The following FAAH2 variants were observed in gnomAD, a reference collection of about 807,000 sequenced individuals.
FAAH2 encodes the protein fatty acid amide hydrolase 2.
In FAAH2, 60 loss-of-function variants were observed where a neutral mutation model predicts 36.9. The observed-to-expected ratio is 1.63, with a 90% CI of 1.32 to 2.02. The LOEUF (loss-of-function observed/expected upper bound fraction) is 2.02, where lower values mean the gene tolerates loss of function less well. FAAH2 is among the 30% of genes most tolerant of loss of function. FAAH2 has a pLI of 0.00. For synonymous variants in FAAH2, 214 were observed against 143.8 expected (o/e 1.49, Z -3.49); for missense variants, 689 against 397.5 (o/e 1.73, Z -6.23).
chrX:57,483,724 G>A (rs1388373393), intron 10 of FAAH2, among the ~76,000 whole-genome samples: 1 of 103,236 alleles, frequency 9.7e-6, no homozygotes, highest in Non-Finnish European at 1.9e-5. Flanking sequence ...TTACTGTGTA[G>A]TATTCTGGGT....
At chrX:57,326,687 G>T (rs1344157187) in intron 3 of FAAH2, among the ~76,000 whole-genome samples, 1 of 85,278 alleles carries the variant, frequency 1.2e-5, no homozygotes, top group Admixed American at 1.4e-4. Flanking sequence ...TTTTCCATTT[G>T]CTTGGTAGAT....
the FAAH2 span, among the ~76,000 whole-genome samples, chrX:57,231,009 G>A: frequency 5.8e-5 from 6 of 104,181 alleles, no homozygotes; most frequent in Non-Finnish European, 1.2e-4. Context: ...TGAGGTCGAG[G>A]ATAATGATAT....
chrX:57,276,849 C>T, the FAAH2 span, among the ~76,000 whole-genome samples: 3 of 111,685 alleles, frequency 2.7e-5, no homozygotes, highest in African/African-American at 6.5e-5. Flanking sequence ...TTCCTGAACA[C>T]ATATACCCTC....
chrX:57,341,142 T>C, intron 4 of FAAH2, 129 bp from the exon 5 acceptor site: 5 of 565,596 alleles, frequency 8.8e-6, no homozygotes, highest in Non-Finnish European at 1.3e-5. Context: ...TCTAAATATA[T>C]GCTGTGAACA....
At chrX:57,394,679 TG>T in intron 7 of FAAH2, 4 of 928,086 alleles carry the variant, frequency 4.3e-6, no homozygotes, top group Non-Finnish European at 6.3e-6. Flanking sequence ...TTCTCCCATT[TG>T]TTTTTTTTAT....
the FAAH2 span, among the ~76,000 whole-genome samples, chrX:57,124,403 G>A: frequency 8.9e-6 from 1 of 111,767 alleles, no homozygotes; most frequent in Non-Finnish European, 1.9e-5. Flanking sequence ...TTTGGTTAGT[G>A]TAGCCTTGTA....
chrX:57,468,314 G>T (rs2057090416), intron 10 of FAAH2, among the ~76,000 whole-genome samples: 1 of 111,658 alleles, frequency 9.0e-6, no homozygotes, highest in African/African-American at 3.3e-5. Context: ...AAAGGAGCAA[G>T]TTCGAACCCA....
At chrX:57,472,037 C>T (rs886794326) in intron 10 of FAAH2, among the ~76,000 whole-genome samples, 7 of 111,942 alleles carry the variant, frequency 6.3e-5, no homozygotes, top group African/African-American at 2.3e-4. Context: ...ACTGGCTAGC[C>T]ATATGTAGAA....
chrX:57,272,611 C>T, the FAAH2 span, among the ~76,000 whole-genome samples: 1 of 111,618 alleles, frequency 9.0e-6, no homozygotes, highest in African/African-American at 3.3e-5. Flanking sequence ...TTGGTGTTCT[C>T]AAAGAAAAGA....
intron 5 of FAAH2, among the ~76,000 whole-genome samples, chrX:57,343,401 G>T (rs1311669486): frequency 9.0e-6 from 1 of 111,206 alleles, no homozygotes. Flanking sequence ...TAGGTTTCTT[G>T]GCTGCTTGTA....
chrX:57,430,525 C>T (rs957367230), intron 7 of FAAH2, among the ~76,000 whole-genome samples: 1 of 111,435 alleles, frequency 9.0e-6, no homozygotes, highest in Non-Finnish European at 1.9e-5. Flanking sequence ...ATGTTACAAG[C>T]TAGAATTTTG....
At chrX:57,136,921 C>T in the FAAH2 span, 1 of 758,486 alleles carries the variant, frequency 1.3e-6, no homozygotes, top group Non-Finnish European at 1.8e-6. Flanking sequence ...TCCCAATCCC[C>T]TGCAAAGCGG....
intron 5 of FAAH2, among the ~76,000 whole-genome samples, chrX:57,345,469 G>T (rs1214224151): frequency 9.0e-6 from 1 of 110,695 alleles, no homozygotes; most frequent in Non-Finnish European, 1.9e-5. Flanking sequence ...ATTTCTGTAG[G>T]ATCAGTTGTA....
At chrX:57,242,872 C>T in the FAAH2 span, among the ~76,000 whole-genome samples, 1 of 111,974 alleles carries the variant, frequency 8.9e-6, no homozygotes, top group African/African-American at 3.2e-5. Context: ...AGTTTCTTTT[C>T]GTAACCTAGT....
the FAAH2 span, among the ~76,000 whole-genome samples, chrX:57,191,836 G>C: frequency 5.4e-5 from 6 of 111,487 alleles, no homozygotes; most frequent in East Asian, 1.4e-3. Context: ...CTCTTCTATT[G>C]GTCTATGCAT....
rs1245067445 is a variant in FAAH2, at chrX:57,453,733, C to T, written c.1423+5015C>T. Among the ~76,000 whole-genome samples the T allele has an allele frequency of 6.2e-5, 7 of 112,030 alleles. No homozygotes were observed. The South Asian group carries it at 1.5e-3, about 24-fold the overall frequency. ...GTGTGGCCACAACTTCTTGAACCCC[C>T]GGAAAGCACCTAGACAGGGGATTAA... On this transcript the variant is annotated intron_variant, in intron 10 of 10. Coordinates refer to ENST00000374900, the MANE Select transcript of FAAH2 (RefSeq NM_174912.4).
chrX:57,314,119 A>G (rs2052769549), intron 3 of FAAH2, among the ~76,000 whole-genome samples: 2 of 111,805 alleles, frequency 1.8e-5, no homozygotes, highest in African/African-American at 6.5e-5. Context: ...ATCTTAAACC[A>G]ACAACAATCA....
chrX:57,164,796 A>T, the FAAH2 span, among the ~76,000 whole-genome samples: 1 of 112,623 alleles, frequency 8.9e-6, no homozygotes, highest in Admixed American at 9.4e-5. Context: ...TCTTAGGTTG[A>T]CTTTCAAAAT....
chrX:57,386,527 T>A (rs2055027768), intron 7 of FAAH2, among the ~76,000 whole-genome samples: 1 of 111,484 alleles, frequency 9.0e-6, no homozygotes, highest in Non-Finnish European at 1.9e-5. Context: ...AGTAAATTAC[T>A]TACATTGAAC....
Sources: gnomAD v4.1 joint callset for allele counts (sites outside exome capture counted in the v4.1 genomes callset) on GRCh38, gnomAD v4.1.1 for gene constraint, MANE v1.5 for transcripts, NCBI Gene and HGNC (gene_info 2026-07-23, HGNC 2026-07-21) for gene names.